Variants in TIAM2 observed in about 807,000 individuals in gnomAD.
The protein encoded by TIAM2 is rho guanine nucleotide exchange factor TIAM2.
In TIAM2, 80 loss-of-function variants were observed where a neutral mutation model predicts 152.9. The observed-to-expected ratio is 0.52, with a 90% confidence interval of 0.44 to 0.63. The LOEUF is 0.63. TIAM2 is among the 30% of genes least tolerant of loss of function. The pLI is 0.00. For missense variants in TIAM2, 1,965 were observed against 2,120.1 expected (o/e 0.93, Z 1.44); for synonymous variants, 804 against 838.0 (o/e 0.96, Z 0.70).
At chr6:155,085,949 C>T (rs982217577) in intron 1 of TIAM2, among the ~76,000 whole-genome samples, 78 of 152,206 alleles carry the variant, frequency 5.1e-4, no homozygotes, top group African/African-American at 1.8e-3. Flanking sequence ...CTCATAGACT[C>T]ACATACTCAA....
chr6:155,020,390 T>C (rs887390555), intron 1 of TIAM2, among the ~76,000 whole-genome samples: 2 of 152,200 alleles, frequency 1.3e-5, no homozygotes, highest in African/African-American at 4.8e-5. Context: ...CTATAAACAT[T>C]GTCCCCCTTT....
intron 9 of TIAM2, among the ~76,000 whole-genome samples, chr6:155,172,672 ATATATATATATATATTTTTTTTT>A (rs1181571979): frequency 1.6e-3 from 20 of 12,436 alleles, no homozygotes; most frequent in African/African-American, 5.3e-3. Context: ...ATATATATAT[ATATATATATATATATTTTTTTTT>A]TTTTTTTTTT....
chr6:155,136,564 T>C (rs1251468662), intron 4 of TIAM2, among the ~76,000 whole-genome samples: 10 of 152,106 alleles, frequency 6.6e-5, no homozygotes, highest in Admixed American at 5.9e-4. Flanking sequence ...ATGAGCCACC[T>C]CGCCATCTAT....
intron 1 of TIAM2, among the ~76,000 whole-genome samples, chr6:155,029,462 TAATA>T (rs1562295141): frequency 1.8e-5 from 1 of 56,252 alleles, no homozygotes; most frequent in African/African-American, 8.2e-5. Flanking sequence ...ATATTATATA[TAATA>T]TATACTATAG....
At position 154,995,954 on chromosome 6, in the gene TIAM2, G is replaced by T. The variant is rs1226816327; in HGVS notation, c.-209+462G>T. 6.6e-6 allele frequency among the ~76,000 whole-genome samples: 1 copy of T among 152,182 alleles called. No homozygotes were observed. The highest frequency in any genetic ancestry group is 6.5e-5 in the Admixed American group (1 of 15,290). On this transcript the variant is annotated intron_variant, in intron 1 of 26. Coordinates refer to ENST00000682666, the MANE Select transcript of TIAM2 (RefSeq NM_012454.4). This position sits in a 1 kb window ranked among gnomAD's most constrained non-coding sequence, Gnocchi z 5.2. ...GGCGACCTCGGAGCCTCAGAAAGGCGCTGCGGCGAAGCAGGATCCCAGGCG... is the reference window on the plus strand; with the variant it reads ...GGCGACCTCGGAGCCTCAGAAAGGCTCTGCGGCGAAGCAGGATCCCAGGCG...
At chr6:155,054,559 A>C (rs2114928475) in intron 1 of TIAM2, among the ~76,000 whole-genome samples, 1 of 142,182 alleles carries the variant, frequency 7.0e-6, no homozygotes, top group South Asian at 2.3e-4. Flanking sequence ...ATTCTGTAGA[A>C]GTACAGAGTT....
rs142136450 is a variant in TIAM2 at position 155,117,083 on chromosome 6, G to A, written c.-117-10407G>A. On this transcript the variant is annotated intron_variant, in intron 2 of 26. Coordinates refer to ENST00000682666, the MANE Select transcript of TIAM2 (RefSeq NM_012454.4). ...AAAAAAATACATGTTTCAAAGAGCCGTGGTGAGAATGTGTAAAATGCCTTT... is the reference window on the plus strand; with the variant it reads ...AAAAAAATACATGTTTCAAAGAGCCATGGTGAGAATGTGTAAAATGCCTTT... 1.2e-3 allele frequency among the ~76,000 whole-genome samples: 164 copies of A among 137,862 alleles called. 1 individual carries two copies. The highest frequency in any genetic ancestry group is 3.9e-3 in the African/African-American group (151 of 38,278). 90.4% of individuals were successfully genotyped at this position (137,862 alleles called of 152,430 possible). A position where few individuals can be genotyped will look rare whatever the true frequency, so the allele number is the denominator to read the frequency against.
At chr6:154,999,999 G>A (rs1778287443) in intron 1 of TIAM2, among the ~76,000 whole-genome samples, 2 of 152,080 alleles carry the variant, frequency 1.3e-5, no homozygotes, top group Admixed American at 6.6e-5. Flanking sequence ...TTAAATCTTA[G>A]AGTTGTTACA....
chr6:155,183,087 CTG>C, intron 13 of TIAM2, 148 bp from the exon 14 acceptor site: 1 of 975,108 alleles, frequency 1.0e-6, no homozygotes, highest in Non-Finnish European at 1.5e-6. Flanking sequence ...GCACCTGCCA[CTG>C]TGCCTGGCTG....
At chr6:155,038,471 T>C (rs1487429478) in intron 1 of TIAM2, among the ~76,000 whole-genome samples, 1 of 152,254 alleles carries the variant, frequency 6.6e-6, no homozygotes, top group African/African-American at 2.4e-5. Flanking sequence ...GGATACATGA[T>C]GCAGAGAAGG....
chr6:155,094,057 G>A (rs73792696), intron 2 of TIAM2, among the ~76,000 whole-genome samples: 11,479 of 152,222 alleles, frequency 0.075, 1,413 homozygotes, highest in African/African-American at 0.26. Flanking sequence ...GGGGATCACT[G>A]TGTTAACTAA....
intron 7 of TIAM2, among the ~76,000 whole-genome samples, chr6:155,153,205 C>A (rs1296461261): frequency 6.6e-6 from 1 of 152,094 alleles, no homozygotes. Flanking sequence ...CTGTGTCCTC[C>A]CCACACTCCC....
intron 14 of TIAM2, among the ~76,000 whole-genome samples, chr6:155,204,534 G>A (rs1197003908): frequency 6.6e-6 from 1 of 151,986 alleles, no homozygotes; most frequent in Non-Finnish European, 1.5e-5. Context: ...TATTTTTAGG[G>A]TAGTATATTG....
intron 2 of TIAM2, among the ~76,000 whole-genome samples, chr6:155,093,226 T>C (rs1188944554): frequency 6.6e-6 from 1 of 152,176 alleles, no homozygotes; most frequent in Non-Finnish European, 1.5e-5. Flanking sequence ...TCAAAGAGGA[T>C]TGCTGTGAGA....
At chr6:155,239,747 C>T (rs974413739) in intron 15 of TIAM2, among the ~76,000 whole-genome samples, 8 of 152,172 alleles carry the variant, frequency 5.3e-5, no homozygotes, top group African/African-American at 1.7e-4. Flanking sequence ...CTAGGCCTGG[C>T]CCTGGCTCCC....
intron 1 of TIAM2, among the ~76,000 whole-genome samples, chr6:155,029,044 C>G (rs1776721122): frequency 8.4e-6 from 1 of 119,202 alleles, no homozygotes; most frequent in African/African-American, 3.7e-5. Flanking sequence ...ACTATATATA[C>G]TATGTTATAT....
chr6:155,182,579 G>C (rs559897270), intron 13 of TIAM2, among the ~76,000 whole-genome samples: 1 of 152,288 alleles, frequency 6.6e-6, no homozygotes, highest in South Asian at 2.1e-4. Context: ...GGGAGACAGA[G>C]TGAGACTCCT....
chr6:155,107,798 A>G (rs9397778), intron 2 of TIAM2, among the ~76,000 whole-genome samples: 42,320 of 152,108 alleles, frequency 0.28, 6,316 homozygotes, highest in South Asian at 0.43. Flanking sequence ...ATTCTAGTCC[A>G]TTAGAGGCTG....
intron 15 of TIAM2, among the ~76,000 whole-genome samples, chr6:155,220,434 G>A (rs1782004197): frequency 6.6e-6 from 1 of 152,192 alleles, no homozygotes; most frequent in Admixed American, 6.5e-5. Flanking sequence ...CTGGCGGGCT[G>A]CACAGTAAGA....
Sources: gnomAD v4.1 joint callset for allele counts (sites outside exome capture counted in the v4.1 genomes callset) on GRCh38, gnomAD v4.1.1 for gene constraint, Gnocchi (gnomAD v3.1) non-coding constraint, MANE v1.5 for transcripts, NCBI Gene and HGNC (gene_info 2026-07-23, HGNC 2026-07-21) for gene names.